CMSS1: variants seen among roughly 807,000 people sequenced by gnomAD.
CMSS1 encodes the protein protein CMSS1.
CMSS1 carries 33 observed loss-of-function variants against 43.5 expected under a neutral mutation model. That is an observed-to-expected ratio of 0.76 (90% CI 0.57 to 1.01). The LOEUF (loss-of-function observed/expected upper bound fraction) is 1.01. CMSS1 is among the 50% of genes least tolerant of loss of function. The pLI is 0.00. For synonymous variants in CMSS1, 115 were observed against 117.2 expected, an observed-to-expected ratio of 0.98 and a Z score of 0.12; for missense variants, 313 against 326.4, an observed-to-expected ratio of 0.96 and a Z score of 0.32.
intron 1 of CMSS1, among the ~76,000 whole-genome samples, chr3:100,131,337 G>A (rs958768989): frequency 1.3e-5 from 2 of 152,294 alleles, no homozygotes; most frequent in African/African-American, 4.8e-5. Flanking sequence ...GTGGAAGATA[G>A]CTTCAAATGA....
At chr3:100,020,984 C>A (rs146255077) in intron 1 of CMSS1, among the ~76,000 whole-genome samples, 1 of 152,156 alleles carries the variant, frequency 6.6e-6, no homozygotes, top group Non-Finnish European at 1.5e-5. Flanking sequence ...GCCAGATGGT[C>A]CTGATCTCTT....
intron 1 of CMSS1, among the ~76,000 whole-genome samples, chr3:99,942,614 C>T (rs2107678138): frequency 6.6e-6 from 1 of 152,198 alleles, no homozygotes; most frequent in African/African-American, 2.4e-5. Context: ...GGCGGATCAC[C>T]TGAGGTCAGG....
intron 7 of CMSS1, 27 bp from the exon 8 acceptor site, chr3:100,172,289 T>G: frequency 6.2e-7 from 1 of 1,602,590 alleles, no homozygotes; most frequent in East Asian, 2.2e-5. Context: ...GACTTCCTTT[T>G]CTTTCTTCTC....
intron 7 of CMSS1, 48 bp from the exon 8 acceptor site, chr3:100,172,268 A>G: frequency 6.7e-7 from 1 of 1,491,632 alleles, no homozygotes; most frequent in South Asian, 1.1e-5. Context: ...GTAAGATAGC[A>G]CTTTCTTAAT....
intron 1 of CMSS1, among the ~76,000 whole-genome samples, chr3:100,131,968 A>G (rs945130174): frequency 6.6e-6 from 1 of 152,228 alleles, no homozygotes; most frequent in Non-Finnish European, 1.5e-5. Context: ...TAAAGATTAA[A>G]TTATTTTAAA....
chr3:100,098,083 A>G (rs1275115997), intron 1 of CMSS1, among the ~76,000 whole-genome samples: 7 of 152,212 alleles, frequency 4.6e-5, no homozygotes, highest in Non-Finnish European at 8.8e-5. Flanking sequence ...GTCAGGGACT[A>G]CTTTGACTCT....
chr3:100,152,873 T>C (rs1371486498), intron 2 of CMSS1, among the ~76,000 whole-genome samples: 1 of 152,200 alleles, frequency 6.6e-6, no homozygotes, highest in Non-Finnish European at 1.5e-5. Context: ...CTTCCATGTC[T>C]TCAAAGTCCA....
At chr3:99,979,935 T>C (rs1231615320) in intron 1 of CMSS1, among the ~76,000 whole-genome samples, 1 of 152,116 alleles carries the variant, frequency 6.6e-6, no homozygotes, top group Non-Finnish European at 1.5e-5. Flanking sequence ...GAGAACTAAT[T>C]TGTGGTTAAG....
intron 9 of CMSS1, 137 bp from the exon 10 acceptor site, chr3:100,178,168 G>A (rs774251220): frequency 6.8e-4 from 373 of 545,994 alleles, no homozygotes; most frequent in Non-Finnish European, 8.1e-4. Context: ...AATCAAATGT[G>A]TGTTAGGACT....
chr3:99,957,208 G>C (rs1055110746), intron 1 of CMSS1, among the ~76,000 whole-genome samples: 11 of 152,132 alleles, frequency 7.2e-5, no homozygotes, highest in Admixed American at 7.2e-4. Flanking sequence ...ATTTGGCAGT[G>C]AAAGGGCCAA....
intron 1 of CMSS1, among the ~76,000 whole-genome samples, chr3:99,840,221 CTTTT>C (rs10935982): frequency 2.0e-5 from 2 of 102,136 alleles, no homozygotes; most frequent in East Asian, 6.3e-4. Flanking sequence ...TTCGTAGAAT[CTTTT>C]TTTTTTTTTT....
chr3:99,988,973 T>C (rs1709434290), intron 1 of CMSS1, among the ~76,000 whole-genome samples: 1 of 152,236 alleles, frequency 6.6e-6, no homozygotes, highest in Non-Finnish European at 1.5e-5. Context: ...AGTGTGACTG[T>C]GTCTATACCT....
chr3:99,981,174 A>G (rs946026077), intron 1 of CMSS1, among the ~76,000 whole-genome samples: 2 of 152,178 alleles, frequency 1.3e-5, no homozygotes, highest in African/African-American at 4.8e-5. Flanking sequence ...TGTGGTGCCA[A>G]TAGTTCTTTG....
At chr3:100,109,954 G>T (rs1487812176) in intron 1 of CMSS1, 2 of 119,378 alleles carry the variant, frequency 1.7e-5, no homozygotes, top group Non-Finnish European at 3.2e-5. Context: ...AGTAACTTCT[G>T]TACCCATACC....
intron 2 of CMSS1, among the ~76,000 whole-genome samples, chr3:100,158,091 T>A (rs539092841): frequency 6.6e-6 from 1 of 152,324 alleles, no homozygotes; most frequent in East Asian, 1.9e-4. Context: ...TTGTTCTCTC[T>A]CCTGGTTTCT....
chr3:99,961,418 T>C (rs768224547), intron 1 of CMSS1, among the ~76,000 whole-genome samples: 15 of 152,212 alleles, frequency 9.9e-5, no homozygotes, highest in Non-Finnish European at 2.2e-4. Context: ...ATGACTCTTA[T>C]GCTATATATG....
intron 1 of CMSS1, among the ~76,000 whole-genome samples, chr3:99,870,115 T>G (rs1471099108): frequency 6.6e-6 from 1 of 152,252 alleles, no homozygotes; most frequent in Non-Finnish European, 1.5e-5. Flanking sequence ...CCCATGAGGG[T>G]TATTGCTCAT....
chr3:100,018,813 G>T (rs1180501923), intron 1 of CMSS1, among the ~76,000 whole-genome samples: 1 of 150,476 alleles, frequency 6.6e-6, no homozygotes, highest in Non-Finnish European at 1.5e-5. Flanking sequence ...CATGTATCAG[G>T]TAAGGGGTTA....
At chr3:99,919,945 A>T (rs1227534719) in intron 1 of CMSS1, among the ~76,000 whole-genome samples, 1 of 152,252 alleles carries the variant, frequency 6.6e-6, no homozygotes, top group Non-Finnish European at 1.5e-5. Flanking sequence ...AAACTTGGAC[A>T]GAAAAGGAAC....
Sources: allele counts gnomAD v4.1 joint callset (sites outside exome capture counted in the v4.1 genomes callset), GRCh38; gene constraint gnomAD v4.1.1; transcripts MANE v1.5; gene names NCBI Gene and HGNC (gene_info 2026-07-23, HGNC 2026-07-21).